Variants in ROBO2 observed in about 807,000 individuals in gnomAD.
ROBO2 encodes the protein roundabout homolog 2.
In ROBO2, 53 loss-of-function variants were observed where a neutral mutation model predicts 160.8. That is an observed-to-expected ratio of 0.33 (90% CI 0.26 to 0.41). ROBO2 has a LOEUF of 0.41. Ranked by LOEUF, ROBO2 falls within the 10% of genes least tolerant of loss-of-function variation. ROBO2 has a pLI of 1.00. For missense variants in ROBO2, 1,577 were observed against 1,722.4 expected, an observed-to-expected ratio of 0.92 and a Z score of 1.49; for synonymous variants, 664 against 611.7, an observed-to-expected ratio of 1.09 and a Z score of -1.26.
At chr3:77,558,649 G>C (rs2093216121) in intron 9 of ROBO2, among the ~76,000 whole-genome samples, 1 of 152,014 alleles carries the variant, frequency 6.6e-6, no homozygotes, top group Admixed American at 6.6e-5. Flanking sequence ...GTGTAGTTTA[G>C]ATTTAAACCC....
At chr3:76,650,774 G>A (rs1176187009) in intron 2 of ROBO2, among the ~76,000 whole-genome samples, 1 of 152,096 alleles carries the variant, frequency 6.6e-6, no homozygotes, top group Non-Finnish European at 1.5e-5. Context: ...CATTTTTCAA[G>A]CTCTAAAGAT....
chr3:76,282,240 G>A (rs553246735), intron 2 of ROBO2, among the ~76,000 whole-genome samples: 3 of 151,986 alleles, frequency 2.0e-5, no homozygotes, highest in African/African-American at 4.8e-5. Context: ...TCTGTATTTT[G>A]TAATAATAGG....
At chr3:77,579,753 C>G (rs576087774) in intron 15 of ROBO2, among the ~76,000 whole-genome samples, 194 bp from the exon 17 acceptor site, 22 of 152,256 alleles carry the variant, frequency 1.4e-4, no homozygotes, top group African/African-American at 5.3e-4. Flanking sequence ...AATACAGGTG[C>G]ATGTGCACAC....
chr3:76,332,552 A>C (rs551570001), intron 2 of ROBO2, among the ~76,000 whole-genome samples: 1 of 152,198 alleles, frequency 6.6e-6, no homozygotes, highest in African/African-American at 2.4e-5. Context: ...TTATCTCTGC[A>C]TAAAACCTAA....
intron 2 of ROBO2, among the ~76,000 whole-genome samples, chr3:76,216,361 C>G (rs1167734178): frequency 6.6e-6 from 1 of 152,164 alleles, no homozygotes; most frequent in African/African-American, 2.4e-5. Flanking sequence ...AAGACACAGA[C>G]TGCAAATTGG....
intron 2 of ROBO2, among the ~76,000 whole-genome samples, chr3:77,333,573 T>C (rs2066192922): frequency 6.6e-6 from 1 of 152,240 alleles, no homozygotes; most frequent in Non-Finnish European, 1.5e-5. Flanking sequence ...AAAAAGCCAT[T>C]GCTCATGTGA....
At chr3:76,164,718 G>C (rs1450284568) in intron 2 of ROBO2, among the ~76,000 whole-genome samples, 1 of 152,120 alleles carries the variant, frequency 6.6e-6, no homozygotes, top group Non-Finnish European at 1.5e-5. Flanking sequence ...AGGCTTTGTT[G>C]ATCCATTTAC....
At chr3:76,710,798 T>C (rs1305519932) in intron 2 of ROBO2, among the ~76,000 whole-genome samples, 1 of 152,148 alleles carries the variant, frequency 6.6e-6, no homozygotes, top group East Asian at 1.9e-4. Flanking sequence ...GCTAAAGATA[T>C]AACAGATAAG....
rs2106696238 is a variant in ROBO2 at position 76,133,656 on chromosome 3, T to C, written c.109+196054T>C. ...CCTCTGGCAAATCACTGGTGTTAAG[T>C]CCAAGAGTCCAGAAGCTGAAGAACT... On this transcript the variant is annotated intron_variant, in intron 2 of 26. Coordinates refer to the ROBO2 transcript ENST00000487694. Among the ~76,000 whole-genome samples, 3 of 152,120 alleles carry C rather than the reference T, an allele frequency of 2.0e-5. No individual in the cohort carries two copies. The South Asian group carries it at 6.2e-4, about 32-fold the overall frequency.
intron 2 of ROBO2, among the ~76,000 whole-genome samples, chr3:76,596,603 A>AT (rs2086751098): frequency 6.6e-6 from 1 of 152,052 alleles, no homozygotes; most frequent in Non-Finnish European, 1.5e-5. Flanking sequence ...TTCAAAACAA[A>AT]TTTTTGCCTC....
chr3:77,122,237 G>A (rs1344166338), intron 2 of ROBO2, among the ~76,000 whole-genome samples: 2 of 152,148 alleles, frequency 1.3e-5, no homozygotes, highest in African/African-American at 4.8e-5. Flanking sequence ...GTGTGTGTGT[G>A]TGTTTATGTC....
chr3:77,635,049 T>A lies in ROBO2; in HGVS notation c.3934+6T>A. The stretch of plus-strand genomic sequence containing the variant: ...AAGGGAAGGAATGACAGATGGTAGG[T>A]TTCTTCCCTTTACTCTTGTTTCCTC... On this transcript the variant is annotated splice_donor_region_variant and intron_variant, in intron 24 of 25. Transcript: ENST00000461745. The A allele has an allele frequency of 6.2e-7, 1 of 1,613,904 alleles. No individual in the cohort carries two copies. The highest frequency in any genetic ancestry group is 1.7e-5 in the Admixed American group (1 of 59,966).
At chr3:75,973,277 A>G (rs749990718) in intron 2 of ROBO2, among the ~76,000 whole-genome samples, 3 of 151,716 alleles carry the variant, frequency 2.0e-5, no homozygotes, top group Non-Finnish European at 3.0e-5. Flanking sequence ...TTAATTATCA[A>G]ATGGACAAAT....
At chr3:76,965,669 T>TAAAAAAA (rs375028767) in intron 2 of ROBO2, among the ~76,000 whole-genome samples, 1 of 122,748 alleles carries the variant, frequency 8.1e-6, no homozygotes, top group African/African-American at 2.8e-5. Flanking sequence ...CTATCAAAGG[T>TAAAAAAA]AAAAAAAAAA....
intron 2 of ROBO2, among the ~76,000 whole-genome samples, chr3:77,129,866 T>A (rs527466360): frequency 6.6e-6 from 1 of 152,250 alleles, no homozygotes; most frequent in African/African-American, 2.4e-5. Context: ...CTTTGAGAAG[T>A]GCTTTGGAGC....
intron 2 of ROBO2, among the ~76,000 whole-genome samples, chr3:76,415,330 A>T (rs1455436281): frequency 6.6e-6 from 1 of 152,204 alleles, no homozygotes. Context: ...AGAGAAATGT[A>T]TGCCTCTCAG....
At chr3:76,223,143 T>C (rs892911644) in intron 2 of ROBO2, among the ~76,000 whole-genome samples, 5 of 151,786 alleles carry the variant, frequency 3.3e-5, no homozygotes, top group Admixed American at 2.0e-4. Context: ...TTTTGGAGTA[T>C]ATTAATGGTA....
intron 2 of ROBO2, among the ~76,000 whole-genome samples, chr3:77,200,319 A>ATTTT (rs1460313061): frequency 1.1e-4 from 7 of 61,560 alleles, no homozygotes; most frequent in East Asian, 5.2e-4. Context: ...ATATATATAT[A>ATTTT]TATTTTAGTT....
At chr3:77,196,969 T>A (rs1170498707) in intron 2 of ROBO2, among the ~76,000 whole-genome samples, 1 of 149,868 alleles carries the variant, frequency 6.7e-6, no homozygotes, top group Admixed American at 6.8e-5. Flanking sequence ...GAAATTGCTT[T>A]TGATAAAGAA....
Sources: allele counts gnomAD v4.1 joint callset (sites outside exome capture counted in the v4.1 genomes callset), GRCh38; gene constraint gnomAD v4.1.1; transcripts MANE v1.5; gene names NCBI Gene and HGNC (gene_info 2026-07-23, HGNC 2026-07-21).